DTWD2: variants seen among roughly 807,000 people sequenced by gnomAD.
DTWD2 encodes the protein DTW motif tRNA-uridine aminocarboxypropyltransferase 2.
DTWD2 carries 39 observed loss-of-function variants against 31.8 expected under a neutral mutation model. The ratio of observed to expected loss-of-function variants is 1.22; its 90% CI spans 0.95 to 1.60. The LOEUF (loss-of-function observed/expected upper bound fraction) is 1.60, where lower values mean the gene tolerates loss of function less well. Ranked by LOEUF, DTWD2 falls within the 40% of genes most tolerant of loss-of-function variation. DTWD2 has a pLI of 0.00. For synonymous variants in DTWD2, 180 were observed against 142.8 expected (o/e 1.26, Z -1.86); for missense variants, 515 against 381.5 (o/e 1.35, Z -2.92).
At chr5:118,881,587 T>C (rs1289084074) in intron 4 of DTWD2, among the ~76,000 whole-genome samples, 1 of 152,182 alleles carries the variant, frequency 6.6e-6, no homozygotes, top group Admixed American at 6.5e-5. Flanking sequence ...TACCTGAGAC[T>C]AGGTAACTTA....
chr5:118,893,020 A>C (rs1042300941), intron 4 of DTWD2, among the ~76,000 whole-genome samples: 1 of 116,274 alleles, frequency 8.6e-6, no homozygotes, highest in Admixed American at 8.4e-5. Context: ...TTGTTAAGTT[A>C]AAAATATATA....
At chr5:118,981,520 C>G (rs1010414852) in intron 1 of DTWD2, among the ~76,000 whole-genome samples, 10 of 149,706 alleles carry the variant, frequency 6.7e-5, no homozygotes, top group African/African-American at 2.4e-4. Context: ...AAATGAAAAA[C>G]AAGCAAACAA....
At chr5:118,904,367 T>C (rs932795697) in intron 4 of DTWD2, among the ~76,000 whole-genome samples, 1 of 152,142 alleles carries the variant, frequency 6.6e-6, no homozygotes, top group East Asian at 1.9e-4. Context: ...ATCATACTTA[T>C]ATACTGGACT....
intron 4 of DTWD2, among the ~76,000 whole-genome samples, chr5:118,879,309 T>TA (rs894388617): frequency 6.6e-6 from 1 of 151,946 alleles, no homozygotes; most frequent in Admixed American, 6.6e-5. Flanking sequence ...ACGCAGCCAT[T>TA]AAAAAGAACA....
intron 4 of DTWD2, among the ~76,000 whole-genome samples, chr5:118,882,337 C>T (rs6863818): frequency 0.014 from 2,136 of 152,322 alleles, 44 homozygotes; most frequent in African/African-American, 0.047. Flanking sequence ...ACAGTCCCTA[C>T]GGCTGCTTTC....
rs1376641577 is a variant in DTWD2, at chr5:118,941,581, T to C, written c.310-2291A>G. On this transcript the variant is annotated intron_variant, in intron 2 of 5. Transcript: ENST00000510708. ...ATTTTCTTAATCCAGTCTATCATTG[T>C]TGGACATTTAGGTTGGTTCCAAGTC... Among the ~76,000 whole-genome samples the C allele has an allele frequency of 2.0e-5, 3 of 152,216 alleles. No homozygotes were observed. In the South Asian group the frequency reaches 6.2e-4, roughly 32 times the overall value.
At chr5:118,865,403 G>C (rs548416228) in intron 4 of DTWD2, among the ~76,000 whole-genome samples, 1 of 151,556 alleles carries the variant, frequency 6.6e-6, no homozygotes, top group Non-Finnish European at 1.5e-5. Context: ...CCTTCAGTTC[G>C]TTCCTAAATA....
Position 118,935,887 on chromosome 5 carries a change from T to G in DTWD2, c.404+3309A>C, listed in dbSNP as rs188802727. On this transcript the variant is annotated intron_variant, in intron 3 of 5. Transcript: ENST00000510708. ...AAGATTTGAATAACACTATCAACCA[T>G]CTTGACCTAATTGATAGTTTGTGTA... is the stretch of plus-strand genomic sequence containing the variant. Among the ~76,000 whole-genome samples, 115 of 152,332 alleles carry G rather than the reference T, an allele frequency of 7.5e-4. 1 individual carries two copies. The highest frequency in any genetic ancestry group is 2.8e-3 in the African/African-American group (115 of 41,578).
At chr5:118,966,132 G>A (rs551211206) in intron 1 of DTWD2, among the ~76,000 whole-genome samples, 1 of 152,182 alleles carries the variant, frequency 6.6e-6, no homozygotes, top group African/African-American at 2.4e-5. Context: ...AAAAAACCCT[G>A]CCCAGAAAAA....
At position 118,871,114 on chromosome 5, in the gene DTWD2, C is replaced by A. The variant is rs149201219; in HGVS notation, c.598-22896G>T. On this transcript the variant is annotated intron_variant, in intron 4 of 5. Transcript: ENST00000510708. ...AGATTCCATCTCAAGAAACTATGTT[C>A]TTTGCTCATTCATAAGAAGCAAATC... is the stretch of plus-strand genomic sequence containing the variant. Among the ~76,000 whole-genome samples, 3 of 152,176 alleles carry A rather than the reference C, an allele frequency of 2.0e-5. 1 individual carries two copies. The East Asian group carries it at 5.8e-4, about 29-fold the overall frequency.
chr5:118,849,784 C>G (rs1751954256), intron 4 of DTWD2, among the ~76,000 whole-genome samples: 1 of 152,032 alleles, frequency 6.6e-6, no homozygotes, highest in African/African-American at 2.4e-5. Flanking sequence ...GAATCGAAAA[C>G]CAAACACCAC....
intron 4 of DTWD2, among the ~76,000 whole-genome samples, chr5:118,866,309 ATCAAAAGCATCCAAACTT>A: frequency 6.6e-6 from 1 of 152,346 alleles, no homozygotes; most frequent in East Asian, 1.9e-4. Context: ...AAAAAAAATC[ATCAAAAGCATCCAAACTT>A]TCAAATCATT....
intron 4 of DTWD2, among the ~76,000 whole-genome samples, chr5:118,887,588 T>C (rs1263791660): frequency 4.6e-5 from 7 of 152,188 alleles, no homozygotes; most frequent in Admixed American, 1.3e-4. Flanking sequence ...AGGGGAATGG[T>C]TGAACTTCTA....
At chr5:118,897,913 G>C (rs1441022435) in intron 4 of DTWD2, among the ~76,000 whole-genome samples, 1 of 152,128 alleles carries the variant, frequency 6.6e-6, no homozygotes, top group African/African-American at 2.4e-5. Flanking sequence ...CCTACGCCCA[G>C]GGTGGAGTGC....
chr5:118,978,428 A>C (rs1187701921), intron 1 of DTWD2, among the ~76,000 whole-genome samples: 1 of 152,254 alleles, frequency 6.6e-6, no homozygotes, highest in Non-Finnish European at 1.5e-5. Flanking sequence ...CTATCATCAG[A>C]GTGAACAGAC....
intron 1 of DTWD2, among the ~76,000 whole-genome samples, chr5:118,960,249 C>A (rs940593968): frequency 8.6e-5 from 13 of 151,906 alleles, no homozygotes; most frequent in Middle Eastern, 3.4e-3. Flanking sequence ...GCAAAAAAAA[C>A]CCATTAAAAT....
intron 2 of DTWD2, among the ~76,000 whole-genome samples, chr5:118,941,461 A>C (rs1754199360): frequency 6.6e-6 from 1 of 152,196 alleles, no homozygotes; most frequent in Non-Finnish European, 1.5e-5. Flanking sequence ...TAGTTTGCTA[A>C]GAATGATGGT....
chr5:118,898,063 C>T (rs1286897763), intron 4 of DTWD2, among the ~76,000 whole-genome samples: 1 of 151,570 alleles, frequency 6.6e-6, no homozygotes, highest in Non-Finnish European at 1.5e-5. Flanking sequence ...TGGGTTTTTG[C>T]CGTGTTGCCC....
At chr5:118,886,096 A>T (rs1752861928) in intron 4 of DTWD2, among the ~76,000 whole-genome samples, 1 of 152,230 alleles carries the variant, frequency 6.6e-6, no homozygotes, top group Non-Finnish European at 1.5e-5. Flanking sequence ...AATCTGGTTT[A>T]TGTTTTATTA....
Sources: gnomAD v4.1 joint callset for allele counts (sites outside exome capture counted in the v4.1 genomes callset) on GRCh38, gnomAD v4.1.1 for gene constraint, MANE v1.5 for transcripts, NCBI Gene and HGNC (gene_info 2026-07-23, HGNC 2026-07-21) for gene names.